The following CCDC110 variants were observed in gnomAD, a reference collection of about 807,000 sequenced individuals.
CCDC110 encodes coiled-coil domain containing 110.
In CCDC110, 70 loss-of-function variants were observed where a neutral mutation model predicts 77.1. The ratio of observed to expected loss-of-function variants is 0.91; its 90% CI spans 0.75 to 1.11. The LOEUF (loss-of-function observed/expected upper bound fraction) is 1.11. CCDC110 is among the 50% of genes least tolerant of loss of function. The pLI, the probability that CCDC110 is intolerant of heterozygous loss-of-function variation, is 0.00. For missense variants in CCDC110, 868 were observed against 942.9 expected, an observed-to-expected ratio of 0.92 and a Z score of 1.04; for synonymous variants, 295 against 312.5, an observed-to-expected ratio of 0.94 and a Z score of 0.59.
intron 2 of CCDC110, 78 bp downstream of exon 2, chr4:185,470,867 C>T (rs2095664834): frequency 9.7e-7 from 1 of 1,034,870 alleles, no homozygotes; most frequent in Admixed American, 1.7e-5. Flanking sequence ...GGAAGCACGC[C>T]AGGTGAGCAG....
At chr4:185,455,863 G>A (rs1268481535) in intron 6 of CCDC110, among the ~76,000 whole-genome samples, 2 of 150,698 alleles carry the variant, frequency 1.3e-5, no homozygotes, top group East Asian at 3.9e-4. Flanking sequence ...AGCCCGGGCT[G>A]ACAACAGTGA....
chr4:185,466,330 G>T (rs1197401039), intron 2 of CCDC110, among the ~76,000 whole-genome samples: 6 of 152,046 alleles, frequency 3.9e-5, no homozygotes, highest in Non-Finnish European at 8.8e-5. Context: ...AGCCGAGATT[G>T]TGCCACTGCA....
intron 2 of CCDC110, among the ~76,000 whole-genome samples, chr4:185,467,538 C>G (rs1019165792): frequency 6.6e-5 from 10 of 152,134 alleles, no homozygotes; most frequent in African/African-American, 9.7e-5. Context: ...GTCCCACCCA[C>G]CAAGATGAGA....
chr4:185,470,462 TC>T (rs1157345287), intron 2 of CCDC110: 1 of 345,420 alleles, frequency 2.9e-6, no homozygotes, highest in Non-Finnish European at 5.8e-6. Flanking sequence ...TTAAAAATTT[TC>T]CCCCCTGAAT....
intron 2 of CCDC110, among the ~76,000 whole-genome samples, chr4:185,463,573 T>A (rs1353989737): frequency 1.3e-5 from 2 of 152,212 alleles, no homozygotes; most frequent in Non-Finnish European, 2.9e-5. Context: ...CTTGGCCATG[T>A]ATGAATGGGC....
rs753587596 is a variant in CCDC110 at position 185,459,710 on chromosome 4, A to G, written c.877T>C (p.Phe293Leu). Residue 293 changes from phenylalanine (F) to leucine (L), a missense_variant, in exon 6 of 7, where the codon TTT (phenylalanine) becomes CTT (leucine). Transcript: ENST00000307588. ...MSPIHQDKMN[F>L]IKEENLDGNL... is the part of the protein sequence containing the mutation. ...CCGTCCAAGTTTTCTTCCTTAATAA[A>G]GTTCATTTTATCCTGGTGAATAGGG... 5.0e-6 allele frequency: 8 copies of G among 1,613,256 alleles called. No individual in the cohort carries two copies. In the Admixed American group the frequency reaches 1.3e-4, roughly 27 times the overall value.
At chr4:185,465,466 A>C (rs1373906468) in intron 2 of CCDC110, among the ~76,000 whole-genome samples, 7 of 152,134 alleles carry the variant, frequency 4.6e-5, no homozygotes, top group Admixed American at 4.6e-4. Context: ...TTTTGGCCTC[A>C]CCGTGATTGC....
chr4:185,457,267 A>C (rs1255255654), intron 6 of CCDC110: 10 of 456,158 alleles, frequency 2.2e-5, no homozygotes, highest in Non-Finnish European at 4.4e-5. Flanking sequence ...GTGTGCTTGC[A>C]ACCTTGGAAG....
At chr4:185,457,305 G>C (rs761294001) in intron 6 of CCDC110, 3 of 456,354 alleles carry the variant, frequency 6.6e-6, no homozygotes, top group South Asian at 4.6e-5. Flanking sequence ...TCTGGAGCCA[G>C]GGCAGGCATG....
intron 2 of CCDC110, among the ~76,000 whole-genome samples, chr4:185,467,518 G>A (rs536611538): frequency 4.2e-4 from 64 of 152,128 alleles, no homozygotes; most frequent in African/African-American, 1.0e-3. Flanking sequence ...TAAACAAAGC[G>A]GAAGGCATGG....
intron 4 of CCDC110, among the ~76,000 whole-genome samples, chr4:185,462,095 T>C (rs956743112): frequency 6.6e-6 from 1 of 152,092 alleles, no homozygotes; most frequent in African/African-American, 2.4e-5. Flanking sequence ...TGAAACTCCT[T>C]CTCAAAGCAA....
chr4:185,468,858 A>G lies in CCDC110; in HGVS notation c.115+2087T>C, dbSNP rs2095660767. On this transcript the variant is annotated intron_variant, in intron 2 of 6. Transcript: ENST00000307588. This position sits in a 1 kb window ranked among gnomAD's most constrained non-coding sequence, Gnocchi z 4.5. ...CTTTGTCTGTCTGTTCCCTCACTAG[A>G]AGGTAAGCTCCATGTGGGCAGGGAA... is the stretch of plus-strand genomic sequence containing the variant. 6.6e-6 allele frequency among the ~76,000 whole-genome samples: 1 copy of G among 152,154 alleles called. No homozygotes were observed. The highest frequency in any genetic ancestry group is 2.1e-4 in the South Asian group (1 of 4,826).
intron 4 of CCDC110, among the ~76,000 whole-genome samples, chr4:185,462,383 T>C (rs1215342763): frequency 6.6e-6 from 1 of 152,252 alleles, no homozygotes; most frequent in African/African-American, 2.4e-5. Context: ...TGAGGGTCCC[T>C]ATTTGTAGTC....
At chr4:185,471,596 G>T in intron 1 of CCDC110, 78 bp downstream of exon 1, 2 of 1,474,124 alleles carry the variant, frequency 1.4e-6, no homozygotes, top group Non-Finnish European at 1.8e-6. Flanking sequence ...TTCGAGCGGG[G>T]AGCCGCCTGC....
At chr4:185,452,979 C>T (rs2095631302) in intron 6 of CCDC110, among the ~76,000 whole-genome samples, 1 of 150,898 alleles carries the variant, frequency 6.6e-6, no homozygotes, top group African/African-American at 2.4e-5. Flanking sequence ...AAGACTCTTT[C>T]ATTATCTGTC....
At chr4:185,470,770 A>T in intron 2 of CCDC110, 175 bp downstream of exon 2, 1 of 695,222 alleles carries the variant, frequency 1.4e-6, no homozygotes, top group Non-Finnish European at 2.7e-6. Context: ...TGTGAGAATT[A>T]AACAGTTGAT....
chr4:185,447,110 T>C (rs982507959), intron 6 of CCDC110, among the ~76,000 whole-genome samples: 5 of 152,244 alleles, frequency 3.3e-5, no homozygotes, highest in Non-Finnish European at 5.9e-5. Flanking sequence ...TTATGTGTTA[T>C]AGTCATTCCA....
intron 6 of CCDC110, among the ~76,000 whole-genome samples, chr4:185,455,363 TTAAC>T (rs1396986131): frequency 2.0e-5 from 3 of 152,200 alleles, no homozygotes; most frequent in Admixed American, 6.5e-5. Flanking sequence ...TATTTATTAT[TTAAC>T]TATTCAGAGT....
chr4:185,458,940 C>T lies in CCDC110; in HGVS notation c.1647G>A (p.Lys549=), dbSNP rs17853848. The T allele has an allele frequency of 5.0e-6, 8 of 1,607,642 alleles. No individual in the cohort carries two copies. In the African/African-American group the frequency reaches 9.4e-5, roughly 19 times the overall value. Reference sequence around the variant, plus strand: ...CCATATCACTTTGAGTTTTGTGTTCCTTACTTTTTAGTTGATCTAATGCTT... The same window carrying T: ...CCATATCACTTTGAGTTTTGTGTTCTTTACTTTTTAGTTGATCTAATGCTT... ...MMEALDQLKS[K]EHKTQSDMAI... is the part of the protein sequence containing the mutation. The change falls in exon 6 of 7, where the codon AAG becomes AAA. Residue 549 remains lysine, a synonymous_variant. Coordinates refer to ENST00000307588, the MANE Select transcript of CCDC110 (RefSeq NM_152775.4).
Sources: allele counts gnomAD v4.1 joint callset (sites outside exome capture counted in the v4.1 genomes callset), GRCh38; gene constraint gnomAD v4.1.1; non-coding constraint Gnocchi (gnomAD v3.1); transcripts MANE v1.5; gene names NCBI Gene and HGNC (gene_info 2026-07-23, HGNC 2026-07-21).